Variants in RBFOX1 observed in about 807,000 individuals in gnomAD.
The protein encoded by RBFOX1 is RNA binding protein fox-1 homolog 1.
In RBFOX1, 8 loss-of-function variants were observed where a neutral mutation model predicts 57.7. The ratio of observed to expected loss-of-function variants is 0.14; its 90% CI spans 0.08 to 0.25. The LOEUF (loss-of-function observed/expected upper bound fraction) is 0.25. RBFOX1 is among the 10% of genes least tolerant of loss of function. The pLI is 1.00. For missense variants in RBFOX1, 611 were observed against 548.5 expected (o/e 1.11, Z -1.14); for synonymous variants, 326 against 222.4 (o/e 1.47, Z -4.15).
At chr16:7,710,170 C>A in intron 15 of RBFOX1, 3 of 1,021,756 alleles carry the variant, frequency 2.9e-6, no homozygotes, top group Non-Finnish European at 3.5e-6. Flanking sequence ...ATACAGCTTA[C>A]AGAGCCAAGT....
chr16:6,153,476 C>G (rs964438976), intron 1 of RBFOX1, among the ~76,000 whole-genome samples: 12 of 151,888 alleles, frequency 7.9e-5, no homozygotes, highest in Non-Finnish European at 4.4e-5. Flanking sequence ...AATGAACAGG[C>G]TATTTTCAAG....
chr16:7,232,236 C>T (rs561845901), intron 4 of RBFOX1, among the ~76,000 whole-genome samples: 109 of 152,190 alleles, frequency 7.2e-4, no homozygotes, highest in Non-Finnish European at 5.0e-4. Flanking sequence ...GTTGGCCAGG[C>T]TGGTCATGAA....
intron 3 of RBFOX1, among the ~76,000 whole-genome samples, chr16:5,664,526 A>C (rs1334381133): frequency 6.6e-6 from 1 of 151,928 alleles, no homozygotes; most frequent in Non-Finnish European, 1.5e-5. Context: ...CAGCCTAGTG[A>C]CAGAGCGAGA....
At chr16:5,955,448 C>A (rs574069182) in intron 4 of RBFOX1, among the ~76,000 whole-genome samples, 8 of 149,974 alleles carry the variant, frequency 5.3e-5, no homozygotes, top group South Asian at 4.3e-4. Flanking sequence ...CTAACTATAC[C>A]CTTTTGGACA....
chr16:5,611,858 TA>T (rs994714202), intron 3 of RBFOX1, among the ~76,000 whole-genome samples: 1 of 138,894 alleles, frequency 7.2e-6, no homozygotes, highest in African/African-American at 2.7e-5. Context: ...CTGTGTGCAG[TA>T]GCTCATATCT....
intron 2 of RBFOX1, among the ~76,000 whole-genome samples, chr16:6,609,886 T>C (rs2098016010): frequency 6.6e-6 from 1 of 152,066 alleles, no homozygotes; most frequent in African/African-American, 2.4e-5. Flanking sequence ...TGCGCACCTG[T>C]AGTCCCAGCT....
intron 3 of RBFOX1, among the ~76,000 whole-genome samples, chr16:6,671,976 C>CA (rs1167804259): frequency 2.0e-5 from 3 of 152,266 alleles, no homozygotes; most frequent in Non-Finnish European, 4.4e-5. Context: ...CAATATCGAA[C>CA]AGCTGATTTT....
intron 3 of RBFOX1, among the ~76,000 whole-genome samples, chr16:5,644,377 A>T (rs12933048): frequency 2.0e-5 from 3 of 152,072 alleles, no homozygotes; most frequent in African/African-American, 7.3e-5. Context: ...GATTTTGGCC[A>T]TTGTGCAAAG....
At chr16:7,212,035 A>T (rs2091243461) in intron 4 of RBFOX1, among the ~76,000 whole-genome samples, 2 of 152,078 alleles carry the variant, frequency 1.3e-5, no homozygotes, top group African/African-American at 4.8e-5. Context: ...CGGTTTCTGG[A>T]AAAGTGGGGC....
intron 4 of RBFOX1, among the ~76,000 whole-genome samples, chr16:7,446,795 GGTATTTTTT>G (rs2098811430): frequency 7.8e-6 from 1 of 128,090 alleles, no homozygotes; most frequent in African/African-American, 2.9e-5. Context: ...GGTAGGTCTA[GGTATTTTTT>G]TTTTTTTTTT....
intron 3 of RBFOX1, among the ~76,000 whole-genome samples, chr16:5,640,160 C>G (rs1432650319): frequency 1.3e-5 from 2 of 152,172 alleles, no homozygotes; most frequent in African/African-American, 4.8e-5. Flanking sequence ...ACTGGGGCCC[C>G]TTCCTCAGCA....
At chr16:6,506,852 T>C (rs1262355301) in intron 2 of RBFOX1, among the ~76,000 whole-genome samples, 2 of 152,122 alleles carry the variant, frequency 1.3e-5, no homozygotes, top group Non-Finnish European at 2.9e-5. Context: ...TTGGCCATGT[T>C]GGCCAGGCTG....
chr16:7,710,098 C>G (rs1332035029), intron 15 of RBFOX1: 3 of 1,004,194 alleles, frequency 3.0e-6, no homozygotes, highest in Non-Finnish European at 3.6e-6. Flanking sequence ...TTTGCACAAG[C>G]TTAATTACAT....
At chr16:6,597,862 G>T (rs2097792811) in intron 2 of RBFOX1, among the ~76,000 whole-genome samples, 1 of 152,162 alleles carries the variant, frequency 6.6e-6, no homozygotes, top group Admixed American at 6.6e-5. Flanking sequence ...CCTTGGAGCT[G>T]CCATGGCCAT....
Position 6,658,936 on chromosome 16 carries a change from G to GTTTT in RBFOX1, c.-16+4291_-16+4294dup, listed in dbSNP as rs764621530. On this transcript the variant is annotated intron_variant, in intron 3 of 15. Transcript: ENST00000550418. The stretch of plus-strand genomic sequence containing the variant: ...TGTTTTTTTGTTTTTTGGTTTTTTT[G>GTTTT]TTTTTTTTGTTTTTTTTTTTCCTCC... Among the ~76,000 whole-genome samples, 162 of 108,532 alleles carry GTTTT rather than the reference G, an allele frequency of 1.5e-3. 1 individual carries two copies. The highest frequency in any genetic ancestry group is 0.01 in the South Asian group (35 of 3,430). 71.2% of individuals were successfully genotyped at this position (108,532 alleles called of 152,430 possible). A position where few individuals can be genotyped will look rare whatever the true frequency, so the allele number is the denominator to read the frequency against.
At chr16:6,610,100 A>G (rs1206479265) in intron 2 of RBFOX1, among the ~76,000 whole-genome samples, 1 of 152,056 alleles carries the variant, frequency 6.6e-6, no homozygotes, top group Admixed American at 6.5e-5. Context: ...ATAAAATAAG[A>G]ACGGAGGTAG....
intron 4 of RBFOX1, among the ~76,000 whole-genome samples, chr16:7,196,251 G>A (rs2086665301): frequency 6.6e-6 from 1 of 152,110 alleles, no homozygotes; most frequent in Admixed American, 6.5e-5. Flanking sequence ...GTGCTTGTGT[G>A]CATGGTGAAT....
At chr16:6,716,358 T>C (rs2154156472) in intron 3 of RBFOX1, among the ~76,000 whole-genome samples, 1 of 152,356 alleles carries the variant, frequency 6.6e-6, no homozygotes, top group African/African-American at 2.4e-5. Flanking sequence ...TCATCTTTGC[T>C]GTCTCTGAAT....
At position 6,614,699 on chromosome 16, in the gene RBFOX1, CTTATGGGTCTATCACTCCAGTCTCTGGCT is replaced by C. The variant is rs1219988543; in HGVS notation, c.-63-39899_-63-39871del. Among the ~76,000 whole-genome samples the C allele has an allele frequency of 3.9e-5, 6 of 152,236 alleles. No individual in the cohort carries two copies. In the East Asian group the frequency reaches 1.2e-3, roughly 29 times the overall value. ...CCCCACAGTCTTTGGTGTTCCTCGG[CTTATGGGTCTATCACTCCAGTCTCTGGCT>C]TTATCTTCGTGTGGCATTTTCCATC... On this transcript the variant is annotated intron_variant, in intron 2 of 15. Transcript: ENST00000550418.
Sources: gnomAD v4.1 joint callset for allele counts (sites outside exome capture counted in the v4.1 genomes callset) on GRCh38, gnomAD v4.1.1 for gene constraint, MANE v1.5 for transcripts, NCBI Gene and HGNC (gene_info 2026-07-23, HGNC 2026-07-21) for gene names.